RFX3: variants seen among roughly 807,000 people sequenced by gnomAD.
RFX3 encodes regulatory factor X3, also known as transcription factor RFX3.
RFX3 carries 14 observed loss-of-function variants against 98.6 expected under a neutral mutation model. The observed-to-expected ratio is 0.14, with a 90% CI of 0.09 to 0.22. The LOEUF (loss-of-function observed/expected upper bound fraction) is 0.22, where lower values mean the gene tolerates loss of function less well. Ranked by LOEUF, RFX3 falls within the 10% of genes least tolerant of loss-of-function variation. The pLI, the probability that RFX3 is intolerant of heterozygous loss-of-function variation, is 1.00. For synonymous variants in RFX3, 383 were observed against 328.4 expected (o/e 1.17, Z -1.80); for missense variants, 639 against 926.9 (o/e 0.69, Z 4.03).
chr9:3,424,612 G>A lies in RFX3; in HGVS notation c.-8-29016C>T, dbSNP rs200673363. Among the ~76,000 whole-genome samples, 527 of 151,434 alleles carry A rather than the reference G, an allele frequency of 3.5e-3. 22 individuals carry two copies. The East Asian group carries it at 0.067, about 19-fold the overall frequency. On this transcript the variant is annotated intron_variant, in intron 1 of 16. Coordinates refer to ENST00000617270, the MANE Select transcript of RFX3 (RefSeq NM_001282116.2). ...CCTGACCTCGTGCTCCGCCCGCCTC[G>A]GCCTCCCAAAGTGCTGGGATTACAG...
intron 1 of RFX3, among the ~76,000 whole-genome samples, chr9:3,462,078 A>C (rs1466347307): frequency 6.6e-6 from 1 of 152,026 alleles, no homozygotes; most frequent in East Asian, 1.9e-4. Context: ...AACTCATTTT[A>C]TGAGACCAGT....
chr9:3,256,966 A>C, intron 14 of RFX3, 25 bp downstream of exon 14: 3 of 1,596,890 alleles, frequency 1.9e-6, no homozygotes, highest in Non-Finnish European at 2.6e-6. Context: ...TGAAGAAGAA[A>C]GCCTAGGAAA....
intron 1 of RFX3, among the ~76,000 whole-genome samples, chr9:3,414,535 GTA>G (rs1413366433): frequency 2.0e-5 from 3 of 149,330 alleles, no homozygotes; most frequent in Non-Finnish European, 4.5e-5. Flanking sequence ...GTGTGTGTGT[GTA>G]TATATATGAG....
chr9:3,422,384 A>T (rs1843525474), intron 1 of RFX3, among the ~76,000 whole-genome samples: 1 of 152,190 alleles, frequency 6.6e-6, no homozygotes, highest in African/African-American at 2.4e-5. Flanking sequence ...GTGTATTTTA[A>T]AAGAGAAGAG....
chr9:3,445,089 T>A (rs1184887764), intron 1 of RFX3, among the ~76,000 whole-genome samples: 1 of 152,194 alleles, frequency 6.6e-6, no homozygotes, highest in African/African-American at 2.4e-5. Flanking sequence ...TTTGAATGGT[T>A]TAAAGTATTT....
chr9:3,396,248 T>A (rs919153967), intron 1 of RFX3, among the ~76,000 whole-genome samples: 17 of 151,984 alleles, frequency 1.1e-4, no homozygotes, highest in African/African-American at 1.5e-4. Context: ...TGTCCATGTG[T>A]TCTCATTGTT....
At chr9:3,323,636 T>C (rs1356286501) in intron 4 of RFX3, among the ~76,000 whole-genome samples, 1 of 152,200 alleles carries the variant, frequency 6.6e-6, no homozygotes, top group Admixed American at 6.5e-5. Context: ...TTGTATGACA[T>C]AGAATCTAGC....
intron 1 of RFX3, among the ~76,000 whole-genome samples, chr9:3,442,279 C>A (rs781653516): frequency 4.6e-5 from 7 of 151,926 alleles, no homozygotes; most frequent in African/African-American, 7.3e-5. Context: ...GGTTAAGCAA[C>A]ATCAATGATA....
intron 1 of RFX3, among the ~76,000 whole-genome samples, chr9:3,405,580 C>T (rs925974322): frequency 3.3e-5 from 5 of 152,264 alleles, no homozygotes; most frequent in Non-Finnish European, 5.9e-5. Context: ...ATTCTACTGA[C>T]GGCATAAGAT....
At chr9:3,512,270 C>T (rs1817732450) in intron 1 of RFX3, among the ~76,000 whole-genome samples, 1 of 151,836 alleles carries the variant, frequency 6.6e-6, no homozygotes, top group African/African-American at 2.4e-5. Flanking sequence ...TTTCAATATG[C>T]AAATATTTCA....
At chr9:3,340,576 A>G (rs994532997) in intron 3 of RFX3, among the ~76,000 whole-genome samples, 3 of 152,196 alleles carry the variant, frequency 2.0e-5, no homozygotes, top group African/African-American at 7.2e-5. Flanking sequence ...AAACAACCCC[A>G]TCAAAAAGTG....
intron 1 of RFX3, among the ~76,000 whole-genome samples, chr9:3,523,436 A>G (rs2133953445): frequency 6.6e-6 from 1 of 152,296 alleles, no homozygotes; most frequent in South Asian, 2.1e-4. Context: ...TAGCAATTTT[A>G]TCCCACATAT....
chr9:3,304,993 T>C (rs1007739801), intron 4 of RFX3, among the ~76,000 whole-genome samples: 2 of 151,970 alleles, frequency 1.3e-5, no homozygotes, highest in Non-Finnish European at 2.9e-5. Context: ...AAAATATATA[T>C]AAGAACACCT....
chr9:3,377,036 C>T (rs1366855546), intron 2 of RFX3, among the ~76,000 whole-genome samples: 2 of 152,146 alleles, frequency 1.3e-5, no homozygotes, highest in African/African-American at 2.4e-5. Flanking sequence ...GACAGTGTGG[C>T]GATTCCTCAG....
At chr9:3,354,913 C>T (rs1036134009) in intron 2 of RFX3, among the ~76,000 whole-genome samples, 1 of 151,414 alleles carries the variant, frequency 6.6e-6, no homozygotes, top group Non-Finnish European at 1.5e-5. Context: ...AATAACAATG[C>T]CTAGTGGGGC....
At chr9:3,269,593 G>A (rs764241947) in intron 11 of RFX3, among the ~76,000 whole-genome samples, 30 of 152,090 alleles carry the variant, frequency 2.0e-4, no homozygotes, top group East Asian at 7.7e-4. Context: ...CTGTGGTAGC[G>A]TTTATATCGA....
At chr9:3,306,973 G>C (rs996403950) in intron 4 of RFX3, among the ~76,000 whole-genome samples, 5 of 152,140 alleles carry the variant, frequency 3.3e-5, no homozygotes, top group African/African-American at 1.2e-4. Context: ...GGAGATGACT[G>C]CATAATGGGG....
At chr9:3,340,198 A>G (rs981786844) in intron 3 of RFX3, among the ~76,000 whole-genome samples, 4 of 152,226 alleles carry the variant, frequency 2.6e-5, no homozygotes, top group African/African-American at 4.8e-5. Context: ...CCGGCTAGCC[A>G]TATGTAGAAA....
At chr9:3,419,203 G>A (rs1170985317) in intron 1 of RFX3, among the ~76,000 whole-genome samples, 2 of 151,946 alleles carry the variant, frequency 1.3e-5, no homozygotes, top group Admixed American at 6.6e-5. Context: ...GCGCAACTTC[G>A]ATGCTTTCAA....
Sources: allele counts gnomAD v4.1 joint callset (sites outside exome capture counted in the v4.1 genomes callset), GRCh38; gene constraint gnomAD v4.1.1; transcripts MANE v1.5; gene names NCBI Gene and HGNC (gene_info 2026-07-23, HGNC 2026-07-21).